Variants in SH3BGRL2 observed in about 807,000 individuals in gnomAD.
SH3BGRL2 encodes the protein SH3 domain binding glutamate rich protein like 2, also known as SH3 domain-binding glutamic acid-rich-like protein 2.
A neutral mutation model predicts 14.8 loss-of-function variants in SH3BGRL2; 21 were observed. The observed-to-expected ratio is 1.42, with a 90% CI of 1.01 to 2.05. SH3BGRL2 has a LOEUF of 2.05. Ranked by LOEUF, SH3BGRL2 falls within the 30% of genes most tolerant of loss-of-function variation. The probability of loss-of-function intolerance (pLI) is 0.00; values close to 1 mark genes in which losing one functional copy is unlikely to be tolerated. For synonymous variants in SH3BGRL2, 50 were observed against 47.8 expected (o/e 1.05, Z -0.19); for missense variants, 147 against 130.8 (o/e 1.12, Z -0.61).
At chr6:79,641,257 C>T (rs1769029780) in intron 1 of SH3BGRL2, among the ~76,000 whole-genome samples, 1 of 150,814 alleles carries the variant, frequency 6.6e-6, no homozygotes, top group Non-Finnish European at 1.5e-5. Context: ...TAATTATGTT[C>T]ATTAGCGTGG....
intron 1 of SH3BGRL2, among the ~76,000 whole-genome samples, chr6:79,665,937 G>T (rs1769651497): frequency 6.6e-6 from 1 of 152,112 alleles, no homozygotes; most frequent in African/African-American, 2.4e-5. Context: ...ATAGAAACTG[G>T]AGACACTGTA....
the SH3BGRL2 span, among the ~76,000 whole-genome samples, chr6:79,541,146 G>A: frequency 1.1e-4 from 17 of 152,066 alleles, no homozygotes; most frequent in Admixed American, 2.6e-4. Flanking sequence ...CCAGCTTCAC[G>A]TGAGGCTGAG....
the SH3BGRL2 span, among the ~76,000 whole-genome samples, chr6:79,578,504 A>G: frequency 6.6e-6 from 1 of 152,348 alleles, no homozygotes; most frequent in Middle Eastern, 3.4e-3. Context: ...ACCCAGGAAA[A>G]CAGCATCCAG....
chr6:79,675,026 A>G (rs1397608012), intron 2 of SH3BGRL2, among the ~76,000 whole-genome samples: 4 of 152,116 alleles, frequency 2.6e-5, no homozygotes, highest in African/African-American at 9.7e-5. Flanking sequence ...CCAAGGGTGT[A>G]TTTTATTCAT....
At chr6:79,538,203 T>C in the SH3BGRL2 span, among the ~76,000 whole-genome samples, 1 of 151,938 alleles carries the variant, frequency 6.6e-6, no homozygotes, top group Non-Finnish European at 1.5e-5. Context: ...GCCATCTGAT[T>C]ATCAAGGTGG....
chr6:79,578,720 C>T, the SH3BGRL2 span, among the ~76,000 whole-genome samples: 1 of 152,034 alleles, frequency 6.6e-6, no homozygotes, highest in Non-Finnish European at 1.5e-5. Flanking sequence ...GCTGAAAATT[C>T]TAAAAATCAG....
At chr6:79,629,325 A>AAAG (rs1733856271), upstream of SH3BGRL2, among the ~76,000 whole-genome samples, 1 of 152,084 alleles carries the variant, frequency 6.6e-6, no homozygotes, top group Non-Finnish European at 1.5e-5. Flanking sequence ...TCCCAGTTCC[A>AAAG]ATTCTGAATC....
chr6:79,660,457 G>A lies in SH3BGRL2; in HGVS notation c.46-13157G>A, dbSNP rs546676804. Among the ~76,000 whole-genome samples the A allele has an allele frequency of 5.0e-4, 76 of 152,316 alleles. No individual in the cohort carries two copies. In the South Asian group the frequency reaches 0.016, roughly 31 times the overall value. ...GGATTACGTTTATTGATTTGCATATGTTGAACCAGCCTTGCATCCCAGGGA... is the reference window on the plus strand; with the variant it reads ...GGATTACGTTTATTGATTTGCATATATTGAACCAGCCTTGCATCCCAGGGA... On this transcript the variant is annotated intron_variant, in intron 1 of 3. Coordinates refer to ENST00000369838, the MANE Select transcript of SH3BGRL2 (RefSeq NM_031469.4).
the SH3BGRL2 span, among the ~76,000 whole-genome samples, chr6:79,588,491 C>T: frequency 2.0e-5 from 3 of 152,072 alleles, no homozygotes; most frequent in South Asian, 4.2e-4. Flanking sequence ...GAAATGTATG[C>T]CCTGCTTTGA....
At chr6:79,635,426 A>G (rs1004877816) in intron 1 of SH3BGRL2, among the ~76,000 whole-genome samples, 1 of 152,252 alleles carries the variant, frequency 6.6e-6, no homozygotes, top group Non-Finnish European at 1.5e-5. Context: ...TCTTGCATTG[A>G]ATGACTCATA....
chr6:79,538,370 C>T, the SH3BGRL2 span, among the ~76,000 whole-genome samples: 1 of 152,124 alleles, frequency 6.6e-6, no homozygotes, highest in Admixed American at 6.5e-5. Flanking sequence ...CTCGTTTTTC[C>T]ACCTTTGCAC....
intron 1 of SH3BGRL2, among the ~76,000 whole-genome samples, chr6:79,652,765 G>T (rs570929028): frequency 6.6e-6 from 1 of 152,012 alleles, no homozygotes; most frequent in Non-Finnish European, 1.5e-5. Context: ...TTTAAAGCAG[G>T]AACTATAATC....
At position 79,637,806 on chromosome 6, in the gene SH3BGRL2, T is replaced by G. The variant is rs191780311; in HGVS notation, c.45+6300T>G. Reference sequence around the variant, plus strand: ...TGGTGGTGTTTTATTTCCCTGAAATTCTCATTGACCCAGTTATTCAAAGAA... The same window carrying G: ...TGGTGGTGTTTTATTTCCCTGAAATGCTCATTGACCCAGTTATTCAAAGAA... On this transcript the variant is annotated intron_variant, in intron 1 of 3. Coordinates refer to ENST00000369838, the MANE Select transcript of SH3BGRL2 (RefSeq NM_031469.4). Among the ~76,000 whole-genome samples, 129 of 152,328 alleles carry G rather than the reference T, an allele frequency of 8.5e-4. 1 individual carries two copies. The highest frequency in any genetic ancestry group is 1.9e-4 in the East Asian group (1 of 5,190).
the SH3BGRL2 span, among the ~76,000 whole-genome samples, chr6:79,601,934 C>G: frequency 2.1e-5 from 3 of 146,256 alleles, no homozygotes; most frequent in Non-Finnish European, 3.1e-5. Context: ...CCCCACCCCC[C>G]ACAAAAAAAC....
intron 1 of SH3BGRL2, among the ~76,000 whole-genome samples, chr6:79,662,950 C>CT (rs1387611208): frequency 3.9e-5 from 6 of 152,144 alleles, no homozygotes; most frequent in Admixed American, 3.9e-4. Context: ...GCTGTTGAAG[C>CT]TTATGCATGT....
intron 1 of SH3BGRL2, among the ~76,000 whole-genome samples, chr6:79,645,696 G>C (rs188549684): frequency 2.6e-4 from 40 of 152,222 alleles, no homozygotes; most frequent in Middle Eastern, 3.4e-3. Context: ...CAGCAAGTTT[G>C]TGTGTGTGTG....
At chr6:79,621,139 G>A in the SH3BGRL2 span, among the ~76,000 whole-genome samples, 2 of 151,942 alleles carry the variant, frequency 1.3e-5, no homozygotes, top group South Asian at 4.2e-4. Context: ...CTTGGCATAG[G>A]TTATGTCATT....
chr6:79,582,070 A>G, the SH3BGRL2 span, among the ~76,000 whole-genome samples: 1 of 152,150 alleles, frequency 6.6e-6, no homozygotes, highest in South Asian at 2.1e-4. Flanking sequence ...TAGGAATCCA[A>G]CTTACGAGGG....
At chr6:79,547,631 G>A in the SH3BGRL2 span, among the ~76,000 whole-genome samples, 1 of 152,120 alleles carries the variant, frequency 6.6e-6, no homozygotes, top group Non-Finnish European at 1.5e-5. Context: ...CTGTGTGGCG[G>A]AAGGAAAAGA....
Sources: gnomAD v4.1 joint callset for allele counts (sites outside exome capture counted in the v4.1 genomes callset) on GRCh38, gnomAD v4.1.1 for gene constraint, MANE v1.5 for transcripts, NCBI Gene and HGNC (gene_info 2026-07-23, HGNC 2026-07-21) for gene names.